Variants in TSPAN4 observed in about 807,000 individuals in gnomAD.
The protein encoded by TSPAN4 is tetraspanin 4.
TSPAN4 carries 38 observed loss-of-function variants against 31.5 expected under a neutral mutation model. That is an observed-to-expected ratio of 1.21 (90% CI 0.93 to 1.58). The LOEUF (loss-of-function observed/expected upper bound fraction) is 1.58, where lower values mean the gene tolerates loss of function less well. Ranked by LOEUF, TSPAN4 falls within the 40% of genes most tolerant of loss-of-function variation. TSPAN4 has a pLI of 0.00. For synonymous variants in TSPAN4, 186 were observed against 144.6 expected, an observed-to-expected ratio of 1.29 and a Z score of -2.06; for missense variants, 330 against 317.3, an observed-to-expected ratio of 1.04 and a Z score of -0.30.
chr11:865,740 A>G lies in TSPAN4; in HGVS notation c.479A>G (p.Tyr160Cys), dbSNP rs980115232. The G allele has an allele frequency of 6.2e-7, 1 of 1,613,290 alleles. No individual in the cohort carries two copies. Among genetic ancestry groups the G allele is most frequent in the Non-Finnish European group, 8.5e-7 (1 of 1,179,860 alleles). The change falls in exon 7 of 9, where the codon TAC (tyrosine) becomes TGC (cysteine). Residue 160 changes from tyrosine to cysteine, a missense_variant. Transcript: ENST00000397397. The part of the protein sequence containing the change: ...VSNYTDWFEV[Y>C]NATRVPDSCC... ...AACTACACTGACTGGTTCGAGGTGT[A>G]CAACGCCACGCGGGTACCTGACTCC...
intron 3 of TSPAN4, among the ~76,000 whole-genome samples, chr11:855,354 G>T (rs1847987930): frequency 6.6e-6 from 1 of 152,238 alleles, no homozygotes; most frequent in African/African-American, 2.4e-5. Flanking sequence ...CGTGGTCCTG[G>T]CCTGATGACG....
chr11:853,931 G>C (rs1181380244), intron 3 of TSPAN4, among the ~76,000 whole-genome samples: 4 of 152,198 alleles, frequency 2.6e-5, no homozygotes, highest in Non-Finnish European at 4.4e-5. Context: ...GAGGTGTCCT[G>C]GTCCAAGGCA....
chr11:860,799 T>C (rs1270832751), intron 3 of TSPAN4, among the ~76,000 whole-genome samples: 2 of 152,074 alleles, frequency 1.3e-5, no homozygotes, highest in Non-Finnish European at 2.9e-5. Flanking sequence ...AGGGGTTTCA[T>C]CAGGTTGAGG....
intron 3 of TSPAN4, among the ~76,000 whole-genome samples, chr11:859,948 G>A (rs946572461): frequency 1.3e-5 from 2 of 152,114 alleles, no homozygotes; most frequent in Admixed American, 1.3e-4. Context: ...AGAGCACAGG[G>A]GTGACCCCTC....
intron 3 of TSPAN4, among the ~76,000 whole-genome samples, chr11:855,330 T>C (rs970022504): frequency 6.6e-6 from 1 of 152,168 alleles, no homozygotes; most frequent in Admixed American, 6.5e-5. Flanking sequence ...CAGCCGCGCT[T>C]GTGCGATGTG....
In TSPAN4 at chr11:866,103, CGGGGG is replaced by C; in HGVS notation, c.648+103_648+107del. ...GACCTTGCCCCCAGGAACCCACGATCGGGGGAGGCCGGGGCAAAAGCAGGAGGGCG... is the reference window on the plus strand; with the variant it reads ...GACCTTGCCCCCAGGAACCCACGATCAGGCCGGGGCAAAAGCAGGAGGGCG... On this transcript the variant is annotated intron_variant, in intron 8 of 8. Transcript: ENST00000397397. The C allele has an allele frequency of 3.2e-6, 4 of 1,249,658 alleles. No homozygotes were observed. The South Asian group carries it at 5.2e-5, about 16-fold the overall frequency. The allele number at this position is 1,249,658 out of a possible 1,614,324, so 77.4% of individuals were successfully genotyped here. A position where few individuals can be genotyped will look rare whatever the true frequency, so the allele number is the denominator to read the frequency against.
chr11:856,562 G>C (rs994276393), intron 3 of TSPAN4, among the ~76,000 whole-genome samples: 1 of 152,236 alleles, frequency 6.6e-6, no homozygotes, highest in East Asian at 1.9e-4. Context: ...CCTGCGGCGG[G>C]GCAGCAGTGA....
intron 3 of TSPAN4, among the ~76,000 whole-genome samples, chr11:852,441 G>T (rs901152254): frequency 6.6e-6 from 1 of 152,170 alleles, no homozygotes; most frequent in Non-Finnish European, 1.5e-5. Context: ...CCACCTTCCC[G>T]CCAGTCCAGC....
intron 3 of TSPAN4, chr11:862,329 T>G: frequency 3.7e-6 from 2 of 538,570 alleles, no homozygotes; most frequent in South Asian, 5.1e-5. Flanking sequence ...GGCCATGGAG[T>G]GTGGGTTTGG....
intron 3 of TSPAN4, chr11:858,653 T>C (rs556990820): frequency 6.1e-5 from 6 of 97,888 alleles, no homozygotes; most frequent in South Asian, 2.8e-4. Context: ...TCACACACCC[T>C]GCTCACCCAG....
At chr11:857,484 G>A (rs1009873626) in intron 3 of TSPAN4, 1 of 140,426 alleles carries the variant, frequency 7.1e-6, no homozygotes, top group African/African-American at 2.7e-5. Context: ...CTCACTGCAA[G>A]CTCCGCCTCC....
intron 3 of TSPAN4, among the ~76,000 whole-genome samples, chr11:853,463 G>A (rs1048461233): frequency 5.3e-5 from 8 of 152,104 alleles, no homozygotes; most frequent in African/African-American, 9.7e-5. Context: ...GGAGGGGCTC[G>A]CTCCAGAAGG....
At chr11:857,513 C>T (rs1848128551) in intron 3 of TSPAN4, 1 of 149,512 alleles carries the variant, frequency 6.7e-6, no homozygotes, top group African/African-American at 2.5e-5. Flanking sequence ...CGCCATTCTC[C>T]TGCCTCAGCC....
chr11:861,643 C>T (rs911233932), intron 3 of TSPAN4, among the ~76,000 whole-genome samples: 9 of 151,804 alleles, frequency 5.9e-5, no homozygotes, highest in South Asian at 2.1e-4. Context: ...ACCCGGGAGG[C>T]GGAGGTTGCA....
chr11:856,268 T>C (rs1196003010), intron 3 of TSPAN4, among the ~76,000 whole-genome samples: 9 of 152,168 alleles, frequency 5.9e-5, no homozygotes, highest in African/African-American at 2.2e-4. Context: ...CTGCTGAAGA[T>C]CAGGGTGAGC....
chr11:849,100 C>G (rs1307949190), intron 2 of TSPAN4, among the ~76,000 whole-genome samples: 1 of 152,228 alleles, frequency 6.6e-6, no homozygotes, highest in Non-Finnish European at 1.5e-5. Context: ...CGCGACTGCC[C>G]TTGAAGCCGG....
chr11:849,648 C>CGGCGCG (rs1264135452), intron 2 of TSPAN4, among the ~76,000 whole-genome samples: 1 of 151,794 alleles, frequency 6.6e-6, no homozygotes, highest in African/African-American at 2.4e-5. Context: ...GCTGGGGCGC[C>CGGCGCG]GGCGCGGGCG....
chr11:846,989 T>C (rs1847357280), intron 1 of TSPAN4, among the ~76,000 whole-genome samples: 1 of 152,192 alleles, frequency 6.6e-6, no homozygotes, highest in Non-Finnish European at 1.5e-5. Context: ...GGTGACTCAG[T>C]CATTGATTCA....
chr11:848,834 CA>C lies in TSPAN4; in HGVS notation c.-17-1453del. ...CAGAGGCGTGGGGTAGGCTGCAGGGCACAGCTGGGGGCCTCTGTCCCCATCT... is the reference window on the plus strand; with the variant it reads ...CAGAGGCGTGGGGTAGGCTGCAGGGCCAGCTGGGGGCCTCTGTCCCCATCT... On this transcript the variant is annotated intron_variant, in intron 2 of 8. Transcript: ENST00000397397. This position sits in a 1 kb window ranked among gnomAD's most constrained non-coding sequence, Gnocchi z 5.7. The C allele has an allele frequency of 1.5e-6, 1 of 659,976 alleles. No individual in the cohort carries two copies. Among genetic ancestry groups the C allele is most frequent in the South Asian group, 1.7e-5 (1 of 58,706 alleles). The allele number at this position is 659,976 out of a possible 1,614,324, so 40.9% of individuals were successfully genotyped here.
Sources: gnomAD v4.1 joint callset for allele counts (sites outside exome capture counted in the v4.1 genomes callset) on GRCh38, gnomAD v4.1.1 for gene constraint, Gnocchi (gnomAD v3.1) non-coding constraint, MANE v1.5 for transcripts, NCBI Gene and HGNC (gene_info 2026-07-23, HGNC 2026-07-21) for gene names.